The following PTPRT variants were observed in gnomAD, a reference collection of about 807,000 sequenced individuals.
The protein encoded by PTPRT is receptor-type tyrosine-protein phosphatase T.
In PTPRT, 56 loss-of-function variants were observed where a neutral mutation model predicts 176.8. The ratio of observed to expected loss-of-function variants is 0.32; its 90% CI spans 0.26 to 0.40. The LOEUF (loss-of-function observed/expected upper bound fraction) is 0.40, where lower values mean the gene tolerates loss of function less well. Ranked by LOEUF, PTPRT falls within the 10% of genes least tolerant of loss-of-function variation. PTPRT has a pLI of 1.00. For missense variants in PTPRT, 1,540 were observed against 1,908.2 expected (o/e 0.81, Z 3.60); for synonymous variants, 783 against 739.0 (o/e 1.06, Z -0.96).
At chr20:42,636,143 G>A (rs563119636) in intron 7 of PTPRT, among the ~76,000 whole-genome samples, 2 of 152,198 alleles carry the variant, frequency 1.3e-5, no homozygotes, top group Non-Finnish European at 2.9e-5. Context: ...CAGAAATCCT[G>A]GGGAAGGGTT....
chr20:42,950,862 T>C (rs941051039), intron 1 of PTPRT, among the ~76,000 whole-genome samples: 7 of 152,170 alleles, frequency 4.6e-5, no homozygotes, highest in Non-Finnish European at 8.8e-5. Context: ...ACAGAGAAAA[T>C]TAGAAAAGGC....
At chr20:42,399,347 C>T (rs10485693) in intron 9 of PTPRT, among the ~76,000 whole-genome samples, 14,128 of 152,220 alleles carry the variant, frequency 0.093, 891 homozygotes, top group East Asian at 0.22. Context: ...ACTATGGCAC[C>T]CTCAGAGTTT....
chr20:42,349,419 A>G (rs2058244165), intron 11 of PTPRT, among the ~76,000 whole-genome samples: 1 of 152,184 alleles, frequency 6.6e-6, no homozygotes, highest in African/African-American at 2.4e-5. Context: ...CAGTGTCCCC[A>G]CTGGGAATTC....
At position 42,322,818 on chromosome 20, in the gene PTPRT, A is replaced by G. The variant is rs184218380; in HGVS notation, c.1866-6822T>C. ...AAAAGAAACTACCATCACAGTGAAC[A>G]GGCAACCTACAAAATGGGAGAAAAT... On this transcript the variant is annotated intron_variant, in intron 11 of 30. Coordinates refer to ENST00000373187, the MANE Select transcript of PTPRT (RefSeq NM_007050.6). Among the ~76,000 whole-genome samples the G allele has an allele frequency of 1.7e-3, 256 of 152,262 alleles. 2 individuals are homozygous for G. Among genetic ancestry groups the G allele is most frequent in the Admixed American group, 0.012 (183 of 15,300 alleles).
chr20:42,411,780 G>A (rs2059021043), intron 9 of PTPRT, among the ~76,000 whole-genome samples: 1 of 151,820 alleles, frequency 6.6e-6, no homozygotes, highest in African/African-American at 2.4e-5. Flanking sequence ...CAAGAATTAG[G>A]TAACGCATTT....
rs1600621577 is a variant in PTPRT at position 42,694,006 on chromosome 20, A to G, written c.860-15847T>C. Among the ~76,000 whole-genome samples the G allele has an allele frequency of 3.3e-5, 5 of 150,238 alleles. No individual in the cohort carries two copies. The South Asian group carries it at 1.1e-3, about 32-fold the overall frequency. ...TGTCACCTGCCATCATACCCTGGAAATTACTCCAGGTTTTTTTTCTTTTAT... is the reference window on the plus strand; with the variant it reads ...TGTCACCTGCCATCATACCCTGGAAGTTACTCCAGGTTTTTTTTCTTTTAT... On this transcript the variant is annotated intron_variant, in intron 6 of 30. Coordinates refer to ENST00000373187, the MANE Select transcript of PTPRT (RefSeq NM_007050.6).
intron 1 of PTPRT, among the ~76,000 whole-genome samples, chr20:43,126,585 C>G (rs899721177): frequency 1.3e-5 from 2 of 152,202 alleles, no homozygotes; most frequent in African/African-American, 2.4e-5. Context: ...TTTTCTTCAA[C>G]TGTCCCTTTT....
chr20:42,487,843 T>C (rs2071490369), intron 7 of PTPRT, among the ~76,000 whole-genome samples: 1 of 152,232 alleles, frequency 6.6e-6, no homozygotes, highest in Non-Finnish European at 1.5e-5. Context: ...CCTCAAAGAT[T>C]GCTCTGCTTA....
chr20:42,049,229 C>T, the PTPRT span, among the ~76,000 whole-genome samples: 1 of 152,244 alleles, frequency 6.6e-6, no homozygotes. Flanking sequence ...ATGACGTCCA[C>T]TAACAGGGTA....
intron 7 of PTPRT, among the ~76,000 whole-genome samples, chr20:42,672,426 C>T (rs560628004): frequency 6.6e-6 from 1 of 152,300 alleles, no homozygotes; most frequent in East Asian, 1.9e-4. Flanking sequence ...ACCTTGTGAT[C>T]GTGTGAGTCA....
At chr20:42,870,783 T>C (rs184842997) in intron 2 of PTPRT, among the ~76,000 whole-genome samples, 1 of 152,360 alleles carries the variant, frequency 6.6e-6, no homozygotes, top group African/African-American at 2.4e-5. Context: ...ATACCATTTT[T>C]ACACTCTCAC....
intron 15 of PTPRT, among the ~76,000 whole-genome samples, chr20:42,200,513 C>A (rs927970914): frequency 1.3e-5 from 2 of 152,122 alleles, no homozygotes; most frequent in Non-Finnish European, 2.9e-5. Context: ...TCCCTGAATT[C>A]TTTCAAATGA....
intron 24 of PTPRT, among the ~76,000 whole-genome samples, chr20:42,105,346 C>T (rs576894983): frequency 1.7e-4 from 26 of 152,256 alleles, no homozygotes; most frequent in African/African-American, 5.1e-4. Flanking sequence ...AATTATTTGC[C>T]GGCAAATCTT....
chr20:42,287,659 G>A (rs975280095), intron 12 of PTPRT, among the ~76,000 whole-genome samples: 3 of 151,856 alleles, frequency 2.0e-5, no homozygotes, highest in African/African-American at 7.2e-5. Context: ...GTGTTCTGTA[G>A]CCCTGTAGGA....
intron 11 of PTPRT, among the ~76,000 whole-genome samples, chr20:42,332,011 A>C (rs1222898337): frequency 6.6e-6 from 1 of 151,784 alleles, no homozygotes; most frequent in African/African-American, 2.4e-5. Flanking sequence ...TATATTCTTC[A>C]CCACCTCATA....
chr20:42,171,131 G>A (rs1355688488), intron 16 of PTPRT, among the ~76,000 whole-genome samples: 1 of 152,136 alleles, frequency 6.6e-6, no homozygotes, highest in Non-Finnish European at 1.5e-5. Context: ...CTACAGAAAG[G>A]CATTCCCTGA....
chr20:42,859,727 G>A (rs1351656477), intron 2 of PTPRT, among the ~76,000 whole-genome samples: 1 of 151,518 alleles, frequency 6.6e-6, no homozygotes, highest in African/African-American at 2.4e-5. Context: ...GGGACTACAG[G>A]CACCTGGCAC....
chr20:42,867,283 C>T (rs1441022993), intron 2 of PTPRT, among the ~76,000 whole-genome samples: 1 of 152,026 alleles, frequency 6.6e-6, no homozygotes, highest in Non-Finnish European at 1.5e-5. Flanking sequence ...ACCAAACCAG[C>T]TCCATATCAG....
intron 1 of PTPRT, among the ~76,000 whole-genome samples, chr20:43,095,991 C>T (rs111220179): frequency 0.028 from 1,386 of 49,078 alleles, 184 homozygotes; most frequent in Non-Finnish European, 0.04. Context: ...TCTCTTTCCA[C>T]CCTCCCTCTC....
Sources: allele counts gnomAD v4.1 joint callset (sites outside exome capture counted in the v4.1 genomes callset), GRCh38; gene constraint gnomAD v4.1.1; transcripts MANE v1.5; gene names NCBI Gene and HGNC (gene_info 2026-07-23, HGNC 2026-07-21).